Variants in CAST observed in about 807,000 individuals in gnomAD.
CAST encodes calpastatin.
In CAST, 76 loss-of-function variants were observed where a neutral mutation model predicts 119.6. The observed-to-expected ratio is 0.64, with a 90% CI of 0.53 to 0.77. The LOEUF (loss-of-function observed/expected upper bound fraction) is 0.77. CAST is among the 30% of genes least tolerant of loss of function. The probability of loss-of-function intolerance (pLI) is 0.00; values close to 1 mark genes in which losing one functional copy is unlikely to be tolerated. For missense variants in CAST, 953 were observed against 946.5 expected, an observed-to-expected ratio of 1.01 and a Z score of -0.09; for synonymous variants, 319 against 331.6, an observed-to-expected ratio of 0.96 and a Z score of 0.41.
the CAST span, among the ~76,000 whole-genome samples, chr5:96,232,378 A>G: frequency 1.3e-5 from 2 of 151,982 alleles, no homozygotes; most frequent in Non-Finnish European, 2.9e-5. Flanking sequence ...AAAATAACAT[A>G]GAACAAATAA....
chr5:95,990,426 T>G, the CAST span, among the ~76,000 whole-genome samples: 320 of 152,126 alleles, frequency 2.1e-3, 3 homozygotes, highest in African/African-American at 6.8e-3. Flanking sequence ...GGATCAAAAA[T>G]TCAATAATAA....
chr5:96,639,146 A>G (rs562836055), intron 1 of CAST, among the ~76,000 whole-genome samples: 150 of 152,394 alleles, frequency 9.8e-4, no homozygotes, highest in African/African-American at 3.0e-3. Flanking sequence ...TTCATCTGAA[A>G]AAGATGAAAA....
At chr5:96,004,075 A>G in the CAST span, among the ~76,000 whole-genome samples, 4 of 152,300 alleles carry the variant, frequency 2.6e-5, no homozygotes, top group African/African-American at 4.8e-5. Flanking sequence ...ATCGAAGACC[A>G]GTAATAAGAT....
chr5:96,343,464 T>G, the CAST span, among the ~76,000 whole-genome samples: 1 of 152,222 alleles, frequency 6.6e-6, no homozygotes, highest in East Asian at 1.9e-4. Flanking sequence ...AAAATAATGA[T>G]GTTAATATTA....
the CAST span, among the ~76,000 whole-genome samples, chr5:96,141,436 C>T: frequency 1.3e-5 from 2 of 152,122 alleles, no homozygotes; most frequent in Non-Finnish European, 2.9e-5. Context: ...TTTTGTGTGG[C>T]CACCAGCTAA....
the CAST span, among the ~76,000 whole-genome samples, chr5:95,996,827 T>C: frequency 6.6e-6 from 1 of 152,162 alleles, no homozygotes; most frequent in Non-Finnish European, 1.5e-5. Context: ...TAGATCACAC[T>C]TTTATAAACA....
the CAST span, among the ~76,000 whole-genome samples, chr5:96,183,158 TA>T: frequency 1.2e-5 from 1 of 80,808 alleles, no homozygotes; most frequent in East Asian, 4.4e-4. Context: ...AAAAAATAAA[TA>T]AAATAATAAT....
At chr5:96,256,010 A>T in the CAST span, among the ~76,000 whole-genome samples, 1 of 152,000 alleles carries the variant, frequency 6.6e-6, no homozygotes, top group Non-Finnish European at 1.5e-5. Context: ...TGTGCAAGAG[A>T]GCATTCTGAC....
the CAST span, among the ~76,000 whole-genome samples, chr5:96,295,001 C>G: frequency 0.24 from 37,236 of 152,170 alleles, 5,264 homozygotes; most frequent in East Asian, 0.33. Flanking sequence ...GATAGGGAAA[C>G]AGTCACCAAT....
At chr5:96,393,306 C>A in the CAST span, 1 of 1,614,096 alleles carries the variant, frequency 6.2e-7, no homozygotes, top group Admixed American at 1.7e-5. Flanking sequence ...TCCCTCCGGC[C>A]CCCTACGCTG....
the CAST span, among the ~76,000 whole-genome samples, chr5:96,356,205 T>G: frequency 6.6e-6 from 1 of 152,248 alleles, no homozygotes; most frequent in Non-Finnish European, 1.5e-5. Context: ...GTAAATTTGT[T>G]TAAGTTCCTT....
chr5:96,077,205 A>T, the CAST span, among the ~76,000 whole-genome samples: 1 of 152,070 alleles, frequency 6.6e-6, no homozygotes, highest in African/African-American at 2.4e-5. Flanking sequence ...TAACATATAT[A>T]CCTTTTTATT....
chr5:96,169,582 G>A, the CAST span, among the ~76,000 whole-genome samples: 6 of 152,334 alleles, frequency 3.9e-5, no homozygotes, highest in African/African-American at 1.4e-4. Context: ...GCTGTAGCAG[G>A]CGAGTGATAA....
chr5:96,264,901 T>A, the CAST span, among the ~76,000 whole-genome samples: 1 of 152,240 alleles, frequency 6.6e-6, no homozygotes, highest in Non-Finnish European at 1.5e-5. Context: ...AGTATTTGAT[T>A]CTGTGAATGT....
chr5:96,160,386 A>G, the CAST span, among the ~76,000 whole-genome samples: 1 of 152,120 alleles, frequency 6.6e-6, no homozygotes, highest in Admixed American at 6.5e-5. Context: ...GTCTGACTTC[A>G]TTCACTTAGC....
chr5:96,375,436 G>GTTT, the CAST span, among the ~76,000 whole-genome samples: 130 of 125,326 alleles, frequency 1.0e-3, 1 homozygote, highest in Admixed American at 2.5e-3. Context: ...GTGTGTGTGT[G>GTTT]TTTTTTTTAC....
chr5:96,346,433 A>T, the CAST span, among the ~76,000 whole-genome samples: 1 of 152,122 alleles, frequency 6.6e-6, no homozygotes, highest in Non-Finnish European at 1.5e-5. Context: ...GTCACTGTAG[A>T]GATTGTAATT....
At chr5:96,498,411 A>T in the CAST span, among the ~76,000 whole-genome samples, 5 of 152,204 alleles carry the variant, frequency 3.3e-5, no homozygotes, top group Non-Finnish European at 7.3e-5. Context: ...AGTCATTGGT[A>T]GCTTGATGGG....
the CAST span, among the ~76,000 whole-genome samples, chr5:96,009,577 T>C: frequency 6.6e-6 from 1 of 152,234 alleles, no homozygotes; most frequent in Non-Finnish European, 1.5e-5. Flanking sequence ...TCATATTTGC[T>C]GGCTACCTAT....
Sources: gnomAD v4.1 joint callset for allele counts (sites outside exome capture counted in the v4.1 genomes callset) on GRCh38, gnomAD v4.1.1 for gene constraint, MANE v1.5 for transcripts, NCBI Gene and HGNC (gene_info 2026-07-23, HGNC 2026-07-21) for gene names.